The following SPTBN1 variants were observed in gnomAD, a reference collection of about 807,000 sequenced individuals.
SPTBN1 encodes the protein spectrin beta, non-erythrocytic 1.
A neutral mutation model predicts 266.4 loss-of-function variants in SPTBN1; 32 were observed. That is an observed-to-expected ratio of 0.12 (90% CI 0.09 to 0.16). The LOEUF (loss-of-function observed/expected upper bound fraction) is 0.16. Ranked by LOEUF, SPTBN1 falls within the 10% of genes least tolerant of loss-of-function variation. The probability of loss-of-function intolerance (pLI) is 1.00; values close to 1 mark genes in which losing one functional copy is unlikely to be tolerated. For missense variants in SPTBN1, 2,296 were observed against 3,067.1 expected (o/e 0.75, Z 5.94); for synonymous variants, 1,336 against 1,162.2 (o/e 1.15, Z -3.04).
chr2:54,559,767 T>G (rs1673157110), intron 2 of SPTBN1, among the ~76,000 whole-genome samples: 1 of 152,204 alleles, frequency 6.6e-6, no homozygotes, highest in Non-Finnish European at 1.5e-5. Context: ...AGGCTGGGAA[T>G]GGCTCTAGCA....
Position 54,657,908 on chromosome 2 carries a change from A to C in SPTBN1, c.6105A>C (p.Gly2035=), listed in dbSNP as rs148763642. 7.2e-5 allele frequency: 117 copies of C among 1,614,106 alleles called. No homozygotes were observed. Among genetic ancestry groups the C allele is most frequent in the Middle Eastern group, 3.3e-4 (2 of 6,082 alleles). The change falls in exon 30 of 36, where the codon GGA becomes GGC. Residue 2035 remains glycine, a synonymous_variant. Transcript: ENST00000356805. The stretch of plus-strand genomic sequence containing the variant: ...GTGTGGCCGAGGCCTGGCTGCTTGG[A>C]CAGGAGCCGTACCTATCCAGCCGAG... ...DASVAEAWLL[G]QEPYLSSREI... is the part of the protein sequence containing the mutation.
At chr2:54,529,408 T>C (rs938880427) in intron 2 of SPTBN1, 4 of 696,702 alleles carry the variant, frequency 5.7e-6, no homozygotes, top group African/African-American at 5.3e-5. Context: ...AAGCAAAGGC[T>C]TTAAAGGCCA....
At chr2:54,462,696 A>G (rs1693426653) in intron 1 of SPTBN1, among the ~76,000 whole-genome samples, 1 of 152,256 alleles carries the variant, frequency 6.6e-6, no homozygotes, top group African/African-American at 2.4e-5. Context: ...TATACACAGA[A>G]GGTAAAATAC....
At position 54,644,229 on chromosome 2, in the gene SPTBN1, A is replaced by G. The variant is rs1038021549; in HGVS notation, c.4006-94A>G. 9 of 1,484,252 alleles carry G rather than the reference A, an allele frequency of 6.1e-6. No homozygotes were observed. The East Asian group carries it at 1.6e-4, about 26-fold the overall frequency. The allele number at this position is 1,484,252 out of a possible 1,614,324, so 91.9% of individuals were successfully genotyped here. On this transcript the variant is annotated intron_variant, in intron 19 of 35. Transcript: ENST00000356805. Reference sequence around the variant, plus strand: ...CTGTGTGTATTGAGTGAATGGTTAAATCACAGATCAAATGTCCTAGGTTTG... The same window carrying G: ...CTGTGTGTATTGAGTGAATGGTTAAGTCACAGATCAAATGTCCTAGGTTTG...
intron 2 of SPTBN1, among the ~76,000 whole-genome samples, chr2:54,595,295 G>C (rs2103649255): frequency 6.6e-6 from 1 of 152,290 alleles, no homozygotes; most frequent in East Asian, 1.9e-4. Context: ...CGTAAGCTTA[G>C]TAAACTGCGG....
At chr2:54,553,361 G>T (rs1210639269) in intron 2 of SPTBN1, among the ~76,000 whole-genome samples, 1 of 152,154 alleles carries the variant, frequency 6.6e-6, no homozygotes, top group African/African-American at 2.4e-5. Context: ...GGCCAGAGAG[G>T]TAAGACAGAA....
chr2:54,567,163 G>C (rs114174319), intron 2 of SPTBN1, among the ~76,000 whole-genome samples: 1,879 of 152,242 alleles, frequency 0.012, 33 homozygotes, highest in African/African-American at 0.043. Context: ...CTAGGTAAGA[G>C]GTGAGGAACT....
At chr2:54,532,692 G>T (rs1671329065) in intron 2 of SPTBN1, among the ~76,000 whole-genome samples, 1 of 152,176 alleles carries the variant, frequency 6.6e-6, no homozygotes, top group Non-Finnish European at 1.5e-5. Context: ...CCTGACCTCT[G>T]ACCAGTTGCC....
At chr2:54,521,523 C>CT (rs971162210) in intron 1 of SPTBN1, among the ~76,000 whole-genome samples, 17 of 151,502 alleles carry the variant, frequency 1.1e-4, no homozygotes, top group East Asian at 1.9e-4. Flanking sequence ...CAGAGCATTG[C>CT]TTTTTTTTTG....
intron 1 of SPTBN1, among the ~76,000 whole-genome samples, chr2:54,489,246 A>G (rs1668566395): frequency 6.6e-6 from 1 of 151,268 alleles, no homozygotes; most frequent in East Asian, 1.9e-4. Flanking sequence ...ACTTGAGCCC[A>G]GGAAGTTGAG....
intron 1 of SPTBN1, among the ~76,000 whole-genome samples, chr2:54,472,270 GC>G (rs967533856): frequency 6.6e-6 from 1 of 151,890 alleles, no homozygotes; most frequent in Admixed American, 6.6e-5. Context: ...CTCATAATCC[GC>G]CCGCCTGGAC....
In SPTBN1 at chr2:54,629,401, T is replaced by C. The variant is rs1232086073; in HGVS notation, c.2267T>C (p.Ile756Thr). ...CAGTTCCAGGCAGATGCTGATGACA[T>C]TGATGCCTGGATGCTGGACATCCTC... is the stretch of plus-strand genomic sequence containing the variant. ...LHQFQADADD[I>T]DAWMLDILKI... is the part of the protein sequence containing the mutation. Residue 756 changes from isoleucine to threonine, a missense_variant, in exon 14 of 36, where the codon ATT becomes ACT. Ile to Thr is a moderately conservative substitution (Grantham distance 89). Around this residue, in one of 12 missense-constraint regions of SPTBN1, gnomAD observed 434 missense variants for 573.9 expected, o/e 0.76. Transcript: ENST00000356805. 2.5e-6 allele frequency: 4 copies of C among 1,614,002 alleles called. No homozygotes were observed. In the East Asian group the frequency reaches 6.7e-5, roughly 27 times the overall value.
At chr2:54,656,665 A>G (rs958954864) in intron 29 of SPTBN1, among the ~76,000 whole-genome samples, 1 of 152,162 alleles carries the variant, frequency 6.6e-6, no homozygotes, top group Non-Finnish European at 1.5e-5. Context: ...CTTATGTTCT[A>G]ACTCCATCTA....
chr2:54,506,123 CTAAATAAATAAA>C (rs56815057), intron 1 of SPTBN1, among the ~76,000 whole-genome samples: 5,405 of 145,508 alleles, frequency 0.037, 140 homozygotes, highest in Admixed American at 0.086. Context: ...GACTCCGTCT[CTAAATAAATAAA>C]TAAATAAATA....
rs537825547 is a variant in SPTBN1, at chr2:54,608,696, G to A, written c.301-3465G>A. ...ATTTTGTGTGCGTGTGTGTGCATGC[G>A]CGCACGAGTGCGCGCATGCACACAC... On this transcript the variant is annotated intron_variant, in intron 3 of 35. Coordinates refer to ENST00000356805, the MANE Select transcript of SPTBN1 (RefSeq NM_003128.3). Among the ~76,000 whole-genome samples, 34 of 151,398 alleles carry A rather than the reference G, an allele frequency of 2.2e-4. 1 individual carries two copies. In the South Asian group the frequency reaches 6.7e-3, roughly 30 times the overall value.
At chr2:54,563,845 G>A (rs1322269648) in intron 2 of SPTBN1, among the ~76,000 whole-genome samples, 3 of 151,994 alleles carry the variant, frequency 2.0e-5, no homozygotes, top group African/African-American at 7.3e-5. Flanking sequence ...CTTGTGATCT[G>A]CCTGCCTTGG....
Position 54,529,875 on chromosome 2 carries a change from AAAAAAAAAAG to A in SPTBN1, c.148+3310_148+3319del. The A allele has an allele frequency of 1.1e-4, 45 of 413,342 alleles. 1 individual carries two copies. The highest frequency in any genetic ancestry group is 1.6e-4 in the Non-Finnish European group (36 of 222,230). 25.6% of individuals were successfully genotyped at this position (413,342 alleles called of 1,614,324 possible). On this transcript the variant is annotated intron_variant, in intron 2 of 35. Transcript: ENST00000356805. Reference sequence around the variant, plus strand: ...ACCAAAAAAAAAAAAAAAAAAAAAAAAAAAAAAAAGGTCCACTTGATGTGGGAGTGGTGTG... The same window carrying A: ...ACCAAAAAAAAAAAAAAAAAAAAAAAGTCCACTTGATGTGGGAGTGGTGTG...
intron 2 of SPTBN1, among the ~76,000 whole-genome samples, chr2:54,529,012 C>T (rs1671023589): frequency 6.6e-6 from 1 of 152,190 alleles, no homozygotes; most frequent in Admixed American, 6.5e-5. Flanking sequence ...TCTCTTGAGT[C>T]CTCTAAAAAA....
At chr2:54,568,370 A>AAG (rs1553448828) in intron 2 of SPTBN1, among the ~76,000 whole-genome samples, 9 of 136,418 alleles carry the variant, frequency 6.6e-5, no homozygotes, top group African/African-American at 2.3e-4. Flanking sequence ...AAAAAAAAAA[A>AAG]AAGAAGAAGA....
Sources: allele counts gnomAD v4.1 joint callset (sites outside exome capture counted in the v4.1 genomes callset), GRCh38; gene constraint gnomAD v4.1.1; regional missense constraint gnomAD v4.1.1; transcripts MANE v1.5; gene names NCBI Gene and HGNC (gene_info 2026-07-23, HGNC 2026-07-21).